Variants in FOXL2NB observed in about 807,000 individuals in gnomAD.
FOXL2NB encodes the protein FOXL2 neighbor protein.
In FOXL2NB, 10 loss-of-function variants were observed where a neutral mutation model predicts 7.4. The observed-to-expected ratio is 1.34, with a 90% CI of 0.83 to 2.28. FOXL2NB has a LOEUF of 2.28. Ranked by LOEUF, FOXL2NB falls within the 30% of genes most tolerant of loss-of-function variation. FOXL2NB has a pLI of 0.00. For synonymous variants in FOXL2NB, 104 were observed against 105.3 expected, an observed-to-expected ratio of 0.99 and a Z score of 0.08; for missense variants, 228 against 233.9, an observed-to-expected ratio of 0.97 and a Z score of 0.17.
rs5852928 is a variant in FOXL2NB, at chr3:138,949,391, C to CGTGTGTGTGTGTGTGTGTGTGTGTGTGT, written c.101-103_101-102insGTGTGTGTGTGTGTGTGTGTGTGTGTGT. On this transcript the variant is annotated intron_variant, in intron 1 of 2. Coordinates refer to ENST00000383165, the MANE Select transcript of FOXL2NB (RefSeq NM_001040061.3). The surrounding 1 kb of genome is among the most constrained non-coding windows in gnomAD (Gnocchi z 4.5). ...AAGAGCCTGTGTGTGTATGCATGTG[C>CGTGTGTGTGTGTGTGTGTGTGTGTGTGT]GTGTGTGTGTGTGTGTGTGTGTGTG... 1 of 718,638 alleles carries CGTGTGTGTGTGTGTGTGTGTGTGTGTGT rather than the reference C, an allele frequency of 1.4e-6. No individual in the cohort carries two copies. Among genetic ancestry groups the CGTGTGTGTGTGTGTGTGTGTGTGTGTGT allele is most frequent in the African/African-American group, 1.9e-5 (1 of 52,832 alleles). The allele number at this position is 718,638 out of a possible 1,614,324, so 44.5% of individuals were successfully genotyped here.
chr3:138,948,229 C>T (rs1936030395), intron 1 of FOXL2NB, among the ~76,000 whole-genome samples: 1 of 152,110 alleles, frequency 6.6e-6, no homozygotes, highest in Non-Finnish European at 1.5e-5. Flanking sequence ...TTGCCACAGA[C>T]TGGGAAGACA....
In FOXL2NB at chr3:138,947,494, G is replaced by T. The variant is rs751889038; in HGVS notation, c.100+30G>T. The T allele has an allele frequency of 6.7e-5, 102 of 1,514,060 alleles. No homozygotes were observed. In the African/African-American group the frequency reaches 1.2e-3, roughly 18 times the overall value. The allele number at this position is 1,514,060 out of a possible 1,614,324, so 93.8% of individuals were successfully genotyped here. ...AAGAAAACGACTCCTTTGCTCTGCC[G>T]TTTGCTGCCGTCTTGAGGCTGAACT... On this transcript the variant is annotated intron_variant, in intron 1 of 2. Transcript: ENST00000383165. This position sits in a 1 kb window ranked among gnomAD's most constrained non-coding sequence, Gnocchi z 5.2.
chr3:138,951,586 C>T lies in FOXL2NB; in HGVS notation c.*1014C>T, dbSNP rs551534695. 1.3e-5 allele frequency: 2 copies of T among 152,344 alleles called. No homozygotes were observed. Among genetic ancestry groups the T allele is most frequent in the East Asian group, 3.9e-4 (2 of 5,180 alleles). 9.4% of individuals were successfully genotyped at this position (152,344 alleles called of 1,614,324 possible). On this transcript the variant is annotated 3_prime_UTR_variant, in exon 3 of 3. Transcript: ENST00000383165. ...TCTGGGTCCTGGGCCAAGTGAGGCC[C>T]TCTTCCCTCCAAAGACCCGTGGGAT...
chr3:138,952,690 T>G lies in FOXL2NB; in HGVS notation c.*2118T>G, dbSNP rs1216868927. 6.6e-6 allele frequency: 1 copy of G among 151,236 alleles called. No homozygotes were observed. Among genetic ancestry groups the G allele is most frequent in the Non-Finnish European group, 1.5e-5 (1 of 67,894 alleles). 9.4% of individuals were successfully genotyped at this position (151,236 alleles called of 1,614,324 possible). On this transcript the variant is annotated 3_prime_UTR_variant, in exon 3 of 3. Coordinates refer to ENST00000383165, the MANE Select transcript of FOXL2NB (RefSeq NM_001040061.3). ...CAACACACTCAGCTAATTTTTTTTTTTTTTTTTTGGTATTTTTGGTAGAGA... is the reference window on the plus strand; with the variant it reads ...CAACACACTCAGCTAATTTTTTTTTGTTTTTTTTGGTATTTTTGGTAGAGA...
rs912548249 is a variant in FOXL2NB, at chr3:138,947,303, G to C, written c.-62G>C. On this transcript the variant is annotated 5_prime_UTR_variant, in exon 1 of 3. Coordinates refer to ENST00000383165, the MANE Select transcript of FOXL2NB (RefSeq NM_001040061.3). This position sits in a 1 kb window ranked among gnomAD's most constrained non-coding sequence, Gnocchi z 5.2. Reference sequence around the variant, plus strand: ...CCCAGCGAGCCTCAGGGGCCCAGCCGACAGCCAGGCTCACGCGCCCTTGAA... The same window carrying C: ...CCCAGCGAGCCTCAGGGGCCCAGCCCACAGCCAGGCTCACGCGCCCTTGAA... The C allele has an allele frequency of 2.9e-6, 4 of 1,373,580 alleles. No individual in the cohort carries two copies. The South Asian group carries it at 3.8e-5, about 13-fold the overall frequency. 85.1% of individuals were successfully genotyped at this position (1,373,580 alleles called of 1,614,324 possible). A position where few individuals can be genotyped will look rare whatever the true frequency, so the allele number is the denominator to read the frequency against.
rs1936132947 is a variant in FOXL2NB, at chr3:138,951,593, C to T, written c.*1021C>T. ...CCTGGGCCAAGTGAGGCCCTCTTCC[C>T]TCCAAAGACCCGTGGGATGCTCTCA... On this transcript the variant is annotated 3_prime_UTR_variant, in exon 3 of 3. Transcript: ENST00000383165. 1 of 152,222 alleles carries T rather than the reference C, an allele frequency of 6.6e-6. No individual in the cohort carries two copies. 9.4% of individuals were successfully genotyped at this position (152,222 alleles called of 1,614,324 possible).
In FOXL2NB at chr3:138,949,395, T is replaced by C. The variant is rs961105613; in HGVS notation, c.101-125T>C. 70 of 874,652 alleles carry C rather than the reference T, an allele frequency of 8.0e-5. No homozygotes were observed. Among genetic ancestry groups the C allele is most frequent in the South Asian group, 6.4e-4 (37 of 57,672 alleles). The allele number at this position is 874,652 out of a possible 1,614,324, so 54.2% of individuals were successfully genotyped here. On this transcript the variant is annotated intron_variant, in intron 1 of 2. Transcript: ENST00000383165. This position sits in a 1 kb window ranked among gnomAD's most constrained non-coding sequence, Gnocchi z 4.5. ...GCCTGTGTGTGTATGCATGTGCGTGTGTGTGTGTGTGTGTGTGTGTGTAGG... is the reference window on the plus strand; with the variant it reads ...GCCTGTGTGTGTATGCATGTGCGTGCGTGTGTGTGTGTGTGTGTGTGTAGG...
rs1354167827 is a variant in FOXL2NB, at chr3:138,951,831, C to T, written c.*1259C>T. ...AAGCGCTGATGGGCAGAGACTCTGC[C>T]CTCCACTTCTCACTCAGTGCTCCCC... On this transcript the variant is annotated 3_prime_UTR_variant, in exon 3 of 3. Coordinates refer to ENST00000383165, the MANE Select transcript of FOXL2NB (RefSeq NM_001040061.3). 1 of 151,184 alleles carries T rather than the reference C, an allele frequency of 6.6e-6. No individual in the cohort carries two copies. The highest frequency in any genetic ancestry group is 1.5e-5 in the Non-Finnish European group (1 of 68,044). The allele number at this position is 151,184 out of a possible 1,614,324, so 9.4% of individuals were successfully genotyped here. A position where few individuals can be genotyped will look rare whatever the true frequency, so the allele number is the denominator to read the frequency against.
At position 138,950,421 on chromosome 3, in the gene FOXL2NB, T is replaced by G. The variant is rs1318401761; in HGVS notation, c.377T>G (p.Val126Gly). Reference sequence around the variant, plus strand: ...GCCGCCGCCGGCTGCCTGAACCAGGTTCCGCTGTCCCCTTTCCTAGCGGGA... The same window carrying G: ...GCCGCCGCCGGCTGCCTGAACCAGGGTCCGCTGTCCCCTTTCCTAGCGGGA... ...SRAAAGCLNQ[V>G]PLSPFLAGPR... Residue 126 changes from valine to glycine, a missense_variant, in exon 3 of 3, where the codon GTT becomes GGT. Physicochemically the swap from Val to Gly is moderately radical, Grantham distance 109 (BLOSUM62 -3). Coordinates refer to ENST00000383165, the MANE Select transcript of FOXL2NB (RefSeq NM_001040061.3). 6.2e-7 allele frequency: 1 copy of G among 1,613,470 alleles called. No homozygotes were observed. Among genetic ancestry groups the G allele is most frequent in the African/African-American group, 1.3e-5 (1 of 74,990 alleles).
At position 138,953,792 on chromosome 3, in the gene FOXL2NB, A is replaced by G. The variant is rs1217455214; in HGVS notation, c.*3220A>G. Among the ~76,000 whole-genome samples, 2 of 152,240 alleles carry G rather than the reference A, an allele frequency of 1.3e-5. No homozygotes were observed. The highest frequency in any genetic ancestry group is 1.9e-4 in the East Asian group (1 of 5,204). On this transcript the variant is annotated 3_prime_UTR_variant, in exon 3 of 3. Coordinates refer to ENST00000383165, the MANE Select transcript of FOXL2NB (RefSeq NM_001040061.3). Reference sequence around the variant, plus strand: ...CTTGAGCCTCGTATAAATGGAGCATATAGCATGTATGCCTTTATGTCTAGT... The same window carrying G: ...CTTGAGCCTCGTATAAATGGAGCATGTAGCATGTATGCCTTTATGTCTAGT...
In FOXL2NB at chr3:138,951,670, C is replaced by G. The variant is rs1936134413; in HGVS notation, c.*1098C>G. The stretch of plus-strand genomic sequence containing the variant: ...TGCTGACAAGTTTCCTCTGATATCC[C>G]TCATGACATCTATGGCCCAAAGCCA... On this transcript the variant is annotated 3_prime_UTR_variant, in exon 3 of 3. Transcript: ENST00000383165. 1 of 152,240 alleles carries G rather than the reference C, an allele frequency of 6.6e-6. No homozygotes were observed. 9.4% of individuals were successfully genotyped at this position (152,240 alleles called of 1,614,324 possible). A position where few individuals can be genotyped will look rare whatever the true frequency, so the allele number is the denominator to read the frequency against.
rs1363026656 is a variant in FOXL2NB at position 138,949,236 on chromosome 3, C to G, written c.101-284C>G. Reference sequence around the variant, plus strand: ...GACCACCCAGGCTGGCTCTCTGCGTCTCTCTGTCTTTCTTTCTTCTTCTCA... The same window carrying G: ...GACCACCCAGGCTGGCTCTCTGCGTGTCTCTGTCTTTCTTTCTTCTTCTCA... On this transcript the variant is annotated intron_variant, in intron 1 of 2. Transcript: ENST00000383165. The surrounding 1 kb of genome is among the most constrained non-coding windows in gnomAD (Gnocchi z 4.5). 6.6e-6 allele frequency among the ~76,000 whole-genome samples: 1 copy of G among 151,836 alleles called. No individual in the cohort carries two copies. Among genetic ancestry groups the G allele is most frequent in the Non-Finnish European group, 1.5e-5 (1 of 67,942 alleles).
At position 138,947,278 on chromosome 3, in the gene FOXL2NB, C is replaced by A; in HGVS notation, c.-87C>A. ...CACAGCCTGGACCGGCCTGCCCCCG[C>A]CCAGCGAGCCTCAGGGGCCCAGCCG... On this transcript the variant is annotated 5_prime_UTR_variant, in exon 1 of 3. Transcript: ENST00000383165. This position sits in a 1 kb window ranked among gnomAD's most constrained non-coding sequence, Gnocchi z 5.2. The A allele has an allele frequency of 9.3e-7, 1 of 1,073,912 alleles. No individual in the cohort carries two copies. The highest frequency in any genetic ancestry group is 1.4e-6 in the Non-Finnish European group (1 of 737,802). 66.5% of individuals were successfully genotyped at this position (1,073,912 alleles called of 1,614,324 possible). A position where few individuals can be genotyped will look rare whatever the true frequency, so the allele number is the denominator to read the frequency against.
At position 138,947,447 on chromosome 3, in the gene FOXL2NB, C is replaced by T. The variant is rs1360051750; in HGVS notation, c.83C>T (p.Ala28Val). 1 of 1,545,130 alleles carries T rather than the reference C, an allele frequency of 6.5e-7. No individual in the cohort carries two copies. The highest frequency in any genetic ancestry group is 2.0e-5 in the Admixed American group (1 of 50,844). ...LGPQRGKALQ[A>V]SSRLSESPAL... Reference sequence around the variant, plus strand: ...CCCCAGCGAGGAAAGGCGCTCCAAGCCTCCTCGCGGCTTTCAGGTGAAAGA... The same window carrying T: ...CCCCAGCGAGGAAAGGCGCTCCAAGTCTCCTCGCGGCTTTCAGGTGAAAGA... The change falls in exon 1 of 3, where the codon GCC becomes GTC. Residue 28 changes from alanine (A) to valine (V), a missense_variant. Physicochemically the swap from Ala to Val is moderately conservative, Grantham distance 64. Transcript: ENST00000383165. This position sits in a 1 kb window ranked among gnomAD's most constrained non-coding sequence, Gnocchi z 5.2.
At position 138,953,018 on chromosome 3, in the gene FOXL2NB, A is replaced by C. The variant is rs1936161983; in HGVS notation, c.*2446A>C. 1 of 131,702 alleles carries C rather than the reference A, an allele frequency of 7.6e-6. No homozygotes were observed. Among genetic ancestry groups the C allele is most frequent in the Admixed American group, 8.2e-5 (1 of 12,178 alleles). 8.2% of individuals were successfully genotyped at this position (131,702 alleles called of 1,614,324 possible). A position where few individuals can be genotyped will look rare whatever the true frequency, so the allele number is the denominator to read the frequency against. On this transcript the variant is annotated 3_prime_UTR_variant, in exon 3 of 3. Coordinates refer to ENST00000383165, the MANE Select transcript of FOXL2NB (RefSeq NM_001040061.3). ...TCCCCCCCCGAGTCCCCATTATATA[A>C]TTCTTTTTTTCTTCTTTTTGAGACA...
At position 138,951,528 on chromosome 3, in the gene FOXL2NB, T is replaced by C. The variant is rs1188012937; in HGVS notation, c.*956T>C. On this transcript the variant is annotated 3_prime_UTR_variant, in exon 3 of 3. Transcript: ENST00000383165. ...GCAGGGCAGTTGTCGGCCTTTTTCA[T>C]GGTGGAGGCCAACTGGGAAAAAGGC... 1 of 152,238 alleles carries C rather than the reference T, an allele frequency of 6.6e-6. No homozygotes were observed. The highest frequency in any genetic ancestry group is 1.5e-5 in the Non-Finnish European group (1 of 68,080). 9.4% of individuals were successfully genotyped at this position (152,238 alleles called of 1,614,324 possible). A position where few individuals can be genotyped will look rare whatever the true frequency, so the allele number is the denominator to read the frequency against.
intron 2 of FOXL2NB, 54 bp from the exon 3 acceptor site, chr3:138,950,211 G>A (rs1056528405): frequency 1.4e-5 from 22 of 1,582,086 alleles, no homozygotes; most frequent in Non-Finnish European, 1.7e-5. Flanking sequence ...CGGAGGTCCC[G>A]ACAGCCGGCG....
Position 138,951,932 on chromosome 3 carries a change from CTTATAATGAAG to C in FOXL2NB, c.*1375_*1385del, listed in dbSNP as rs911348240. On this transcript the variant is annotated 3_prime_UTR_variant, in exon 3 of 3. Coordinates refer to ENST00000383165, the MANE Select transcript of FOXL2NB (RefSeq NM_001040061.3). ...GACAGAATTGGGAAATGCCACTTTCCTTATAATGAAGTTATAATGAAGTTAGAATTTCCAAG... is the reference window on the plus strand; with the variant it reads ...GACAGAATTGGGAAATGCCACTTTCCTTATAATGAAGTTAGAATTTCCAAG... The C allele has an allele frequency of 1.3e-4, 20 of 152,192 alleles. No individual in the cohort carries two copies. Among genetic ancestry groups the C allele is most frequent in the Admixed American group, 2.0e-4 (3 of 15,270 alleles). 9.4% of individuals were successfully genotyped at this position (152,192 alleles called of 1,614,324 possible).
Position 138,949,800 on chromosome 3 carries a change from C to A in FOXL2NB, c.220+161C>A. The A allele has an allele frequency of 1.9e-6, 2 of 1,033,042 alleles. No homozygotes were observed. The highest frequency in any genetic ancestry group is 2.9e-6 in the Non-Finnish European group (2 of 682,444). 64.0% of individuals were successfully genotyped at this position (1,033,042 alleles called of 1,614,324 possible). A position where few individuals can be genotyped will look rare whatever the true frequency, so the allele number is the denominator to read the frequency against. ...CAGCCAGAGGTGGGTGAACCGGGCG[C>A]TCCAGGAAACGGTGCGGGGCGCCCT... On this transcript the variant is annotated intron_variant, in intron 2 of 2. Transcript: ENST00000383165. This position sits in a 1 kb window ranked among gnomAD's most constrained non-coding sequence, Gnocchi z 4.5.
Sources: allele counts gnomAD v4.1 joint callset (sites outside exome capture counted in the v4.1 genomes callset), GRCh38; gene constraint gnomAD v4.1.1; non-coding constraint Gnocchi (gnomAD v3.1); transcripts MANE v1.5; gene names NCBI Gene and HGNC (gene_info 2026-07-23, HGNC 2026-07-21).